Variants in CLSTN2 observed in about 807,000 individuals in gnomAD.
CLSTN2 encodes the protein calsyntenin 2, also known as calsyntenin-2.
A neutral mutation model predicts 101.2 loss-of-function variants in CLSTN2; 48 were observed. The observed-to-expected ratio is 0.47, with a 90% confidence interval of 0.38 to 0.60. The LOEUF (loss-of-function observed/expected upper bound fraction) is 0.60, where lower values mean the gene tolerates loss of function less well. Ranked by LOEUF, CLSTN2 falls within the 20% of genes least tolerant of loss-of-function variation. The pLI is 0.00. For missense variants in CLSTN2, 1,160 were observed against 1,238.2 expected, an observed-to-expected ratio of 0.94 and a Z score of 0.95; for synonymous variants, 481 against 463.6, an observed-to-expected ratio of 1.04 and a Z score of -0.48.
chr3:140,214,178 G>A (rs866048811), intron 2 of CLSTN2, among the ~76,000 whole-genome samples: 2 of 152,102 alleles, frequency 1.3e-5, no homozygotes, highest in African/African-American at 2.4e-5. Context: ...GGTGGCTCAC[G>A]CCTGTAATCC....
chr3:139,937,207 A>C (rs2107804972), intron 1 of CLSTN2, among the ~76,000 whole-genome samples: 1 of 152,310 alleles, frequency 6.6e-6, no homozygotes, highest in South Asian at 2.1e-4. Flanking sequence ...GCACACAGCA[A>C]GTGCAGAACA....
intron 1 of CLSTN2, among the ~76,000 whole-genome samples, chr3:140,097,694 G>C (rs929529551): frequency 6.6e-6 from 1 of 152,194 alleles, no homozygotes; most frequent in African/African-American, 2.4e-5. Context: ...GTCAATTGCA[G>C]TGCAGTTACT....
intron 2 of CLSTN2, among the ~76,000 whole-genome samples, chr3:140,271,342 A>G (rs2086739770): frequency 6.6e-6 from 1 of 152,160 alleles, no homozygotes. Flanking sequence ...TACTTATGCT[A>G]CTGAAAAGTG....
chr3:140,144,395 G>A lies in CLSTN2; in HGVS notation c.110-31556G>A, dbSNP rs571013124. On this transcript the variant is annotated intron_variant, in intron 1 of 16. Coordinates refer to ENST00000458420, the MANE Select transcript of CLSTN2 (RefSeq NM_022131.3). The stretch of plus-strand genomic sequence containing the variant: ...GGCCAAGGCGGGTGGATCGCCTGAG[G>A]TCAGGAGTTCAAGACCAGCCTGGCC... Among the ~76,000 whole-genome samples the A allele has an allele frequency of 6.6e-5, 10 of 152,234 alleles. No homozygotes were observed. In the South Asian group the frequency reaches 2.1e-3, roughly 32 times the overall value.
chr3:140,484,330 T>C (rs1379609850), intron 8 of CLSTN2, among the ~76,000 whole-genome samples: 2 of 152,220 alleles, frequency 1.3e-5, no homozygotes, highest in African/African-American at 4.8e-5. Flanking sequence ...TGCCAAGAGA[T>C]CAGCTGTTAG....
At chr3:140,099,118 C>G (rs943099043) in intron 1 of CLSTN2, among the ~76,000 whole-genome samples, 2 of 152,172 alleles carry the variant, frequency 1.3e-5, no homozygotes, top group African/African-American at 4.8e-5. Flanking sequence ...TCTCTTAGGG[C>G]AGATTTTAAT....
chr3:140,240,174 C>CTCTCTATATATATATATA (rs1311225528), intron 2 of CLSTN2, among the ~76,000 whole-genome samples: 1 of 13,356 alleles, frequency 7.5e-5, no homozygotes, highest in African/African-American at 1.1e-4. Flanking sequence ...CTCTCTCTCT[C>CTCTCTATATATATATATA]TATATATATA....
At chr3:140,368,752 G>A (rs995410341) in intron 2 of CLSTN2, among the ~76,000 whole-genome samples, 4 of 152,204 alleles carry the variant, frequency 2.6e-5, no homozygotes, top group African/African-American at 9.7e-5. Flanking sequence ...CTCTGCATGG[G>A]AGGCTGGTGG....
intron 1 of CLSTN2, among the ~76,000 whole-genome samples, chr3:140,113,862 A>G (rs540284072): frequency 6.6e-6 from 1 of 152,306 alleles, no homozygotes; most frequent in Non-Finnish European, 1.5e-5. Flanking sequence ...GTGTGTATAT[A>G]TGTGTATACG....
At chr3:140,334,320 C>T (rs1486213690) in intron 2 of CLSTN2, among the ~76,000 whole-genome samples, 2 of 152,204 alleles carry the variant, frequency 1.3e-5, no homozygotes, top group African/African-American at 2.4e-5. Flanking sequence ...TGAGAAATGA[C>T]ACATTCCCAT....
At chr3:140,028,771 A>G (rs919065581) in intron 1 of CLSTN2, among the ~76,000 whole-genome samples, 4 of 152,148 alleles carry the variant, frequency 2.6e-5, no homozygotes, top group Admixed American at 6.5e-5. Context: ...AGAGCAGACA[A>G]TATTGGGAGA....
intron 5 of CLSTN2, among the ~76,000 whole-genome samples, chr3:140,422,123 T>C (rs994948159): frequency 6.6e-6 from 1 of 152,160 alleles, no homozygotes; most frequent in Non-Finnish European, 1.5e-5. Context: ...TTCTGTGTAC[T>C]GCCTTCTCTT....
intron 1 of CLSTN2, among the ~76,000 whole-genome samples, chr3:139,945,279 C>T (rs185008916): frequency 8.1e-4 from 124 of 152,212 alleles, no homozygotes; most frequent in African/African-American, 2.6e-3. Context: ...ATCACTCAGC[C>T]CCTCTGGGTG....
chr3:140,244,680 C>T (rs2086499759), intron 2 of CLSTN2, among the ~76,000 whole-genome samples: 1 of 152,176 alleles, frequency 6.6e-6, no homozygotes, highest in Admixed American at 6.5e-5. Context: ...CAAGGCCTCA[C>T]TTAACCAAAG....
intron 5 of CLSTN2, among the ~76,000 whole-genome samples, chr3:140,422,471 C>T (rs1218254354): frequency 2.6e-5 from 4 of 152,186 alleles, no homozygotes; most frequent in African/African-American, 9.7e-5. Context: ...CAAAGCACTC[C>T]TCCCTTGCAC....
intron 2 of CLSTN2, among the ~76,000 whole-genome samples, chr3:140,243,341 T>C (rs2086487231): frequency 6.6e-6 from 1 of 152,188 alleles, no homozygotes; most frequent in African/African-American, 2.4e-5. Flanking sequence ...AAAGAAACCA[T>C]TGATGGGTAA....
chr3:140,225,723 C>A (rs562340015), intron 2 of CLSTN2, among the ~76,000 whole-genome samples: 1 of 152,052 alleles, frequency 6.6e-6, no homozygotes, highest in South Asian at 2.1e-4. Flanking sequence ...TACTCAATCT[C>A]CTGACCTCAT....
intron 1 of CLSTN2, among the ~76,000 whole-genome samples, chr3:139,965,795 T>A (rs2107816558): frequency 6.6e-6 from 1 of 152,254 alleles, no homozygotes; most frequent in South Asian, 2.1e-4. Context: ...GCCTCTAGCA[T>A]CCTCCTGAAG....
At chr3:139,940,434 T>C (rs916884340) in intron 1 of CLSTN2, among the ~76,000 whole-genome samples, 1 of 152,180 alleles carries the variant, frequency 6.6e-6, no homozygotes, top group African/African-American at 2.4e-5. Context: ...AAAATAGTTG[T>C]CAGGGCACTT....
Sources: allele counts gnomAD v4.1 joint callset (sites outside exome capture counted in the v4.1 genomes callset), GRCh38; gene constraint gnomAD v4.1.1; transcripts MANE v1.5; gene names NCBI Gene and HGNC (gene_info 2026-07-23, HGNC 2026-07-21).